Variants in IMPG1 observed in about 807,000 individuals in gnomAD.
IMPG1 encodes the protein interphotoreceptor matrix proteoglycan 1.
IMPG1 carries 85 observed loss-of-function variants against 92.0 expected under a neutral mutation model. The ratio of observed to expected loss-of-function variants is 0.92; its 90% CI spans 0.78 to 1.11. The LOEUF (loss-of-function observed/expected upper bound fraction) is 1.11, where lower values mean the gene tolerates loss of function less well. IMPG1 is among the 50% of genes least tolerant of loss of function. The pLI, the probability that IMPG1 is intolerant of heterozygous loss-of-function variation, is 0.00. For missense variants in IMPG1, 1,022 were observed against 956.0 expected (o/e 1.07, Z -0.91); for synonymous variants, 367 against 334.1 (o/e 1.10, Z -1.08).
chr6:76,028,881 C>G (rs1026946128), intron 4 of IMPG1, among the ~76,000 whole-genome samples: 5 of 152,172 alleles, frequency 3.3e-5, no homozygotes, highest in African/African-American at 1.2e-4. Flanking sequence ...ATGCTTGTTT[C>G]TCTCTGCCTG....
intron 7 of IMPG1, among the ~76,000 whole-genome samples, chr6:76,017,455 G>T (rs1471374850): frequency 6.6e-6 from 1 of 152,088 alleles, no homozygotes. Context: ...TGTAAAAATA[G>T]AAATATTATA....
At chr6:75,969,428 T>G (rs1264094817) in intron 12 of IMPG1, among the ~76,000 whole-genome samples, 1 of 152,116 alleles carries the variant, frequency 6.6e-6, no homozygotes, top group Non-Finnish European at 1.5e-5. Flanking sequence ...ATATATATAA[T>G]TTTTATTTGT....
intron 12 of IMPG1, among the ~76,000 whole-genome samples, chr6:75,998,547 GT>G (rs1782936297): frequency 6.6e-6 from 1 of 152,212 alleles, no homozygotes; most frequent in South Asian, 2.1e-4. Flanking sequence ...TCTGCTTAAA[GT>G]TTGCTTCTTC....
At chr6:76,069,520 C>G (rs1413850085) in intron 1 of IMPG1, among the ~76,000 whole-genome samples, 1 of 151,964 alleles carries the variant, frequency 6.6e-6, no homozygotes, top group Non-Finnish European at 1.5e-5. Flanking sequence ...ACACAAACAA[C>G]TCAACAGAAA....
At chr6:75,993,736 T>C (rs1454964355) in intron 12 of IMPG1, among the ~76,000 whole-genome samples, 6 of 152,214 alleles carry the variant, frequency 3.9e-5, no homozygotes, top group Non-Finnish European at 8.8e-5. Context: ...CTGAGTGATA[T>C]ATTTTTAAGA....
At chr6:76,012,970 T>C (rs1292687126) in intron 7 of IMPG1, among the ~76,000 whole-genome samples, 1 of 151,238 alleles carries the variant, frequency 6.6e-6, no homozygotes, top group Non-Finnish European at 1.5e-5. Context: ...CCGACTCTGG[T>C]TGGTTTGAAT....
At chr6:75,960,836 T>G (rs1562349156) in intron 12 of IMPG1, among the ~76,000 whole-genome samples, 1 of 152,216 alleles carries the variant, frequency 6.6e-6, no homozygotes, top group South Asian at 2.1e-4. Context: ...TGAAAAGATT[T>G]AAAATAACTG....
chr6:75,946,128 C>T (rs1421245069), intron 14 of IMPG1, among the ~76,000 whole-genome samples: 2 of 152,216 alleles, frequency 1.3e-5, no homozygotes, highest in East Asian at 3.8e-4. Context: ...GAGGCAGTGT[C>T]TTACTGGCAT....
At chr6:76,055,780 T>G (rs993294323) in intron 1 of IMPG1, among the ~76,000 whole-genome samples, 3 of 152,050 alleles carry the variant, frequency 2.0e-5, no homozygotes, top group Non-Finnish European at 2.9e-5. Context: ...AACAAGACGA[T>G]ATAATGAATA....
At chr6:76,068,520 T>C (rs930239288) in intron 1 of IMPG1, among the ~76,000 whole-genome samples, 1 of 148,986 alleles carries the variant, frequency 6.7e-6, no homozygotes, top group Non-Finnish European at 1.5e-5. Flanking sequence ...CTTTTTTTTT[T>C]TTTTTTTTTT....
intron 12 of IMPG1, among the ~76,000 whole-genome samples, chr6:75,994,362 A>G (rs1782863295): frequency 6.6e-6 from 1 of 152,164 alleles, no homozygotes; most frequent in South Asian, 2.1e-4. Flanking sequence ...CCATTTACCT[A>G]TTTATCTATT....
chr6:76,018,669 C>T (rs1582107750), intron 7 of IMPG1, 49 bp downstream of exon 7: 1 of 1,564,646 alleles, frequency 6.4e-7, no homozygotes, highest in Admixed American at 1.8e-5. Flanking sequence ...TCGGCTCCCA[C>T]CTCTCAGTCA....
rs760098979 is a variant in IMPG1, at chr6:76,041,941, A to G, written c.253T>C (p.Ser85Pro). 5.6e-6 allele frequency: 9 copies of G among 1,613,964 alleles called. No homozygotes were observed. The highest frequency in any genetic ancestry group is 5.9e-6 in the Non-Finnish European group (7 of 1,179,856). The change falls in exon 2 of 17, where the codon TCC becomes CCC. Residue 85 changes from serine (S) to proline (P), a missense_variant. Ser to Pro is a moderately conservative substitution (Grantham distance 74). Coordinates refer to ENST00000369950, the MANE Select transcript of IMPG1 (RefSeq NM_001563.4). The stretch of plus-strand genomic sequence containing the variant: ...AGACTGTCTAAAATCTGTTTCATGG[A>G]TTCCTGTGGACAGACTTTAACCCCC... ...PTGVKVCPQE[S>P]MKQILDSLQA...
intron 1 of IMPG1, among the ~76,000 whole-genome samples, chr6:76,048,933 G>C (rs758412320): frequency 1.2e-4 from 19 of 152,154 alleles, no homozygotes; most frequent in Non-Finnish European, 2.1e-4. Flanking sequence ...CAATAGCAAA[G>C]ACATGGAATC....
intron 14 of IMPG1, among the ~76,000 whole-genome samples, chr6:75,941,460 A>G (rs1272421694): frequency 6.6e-6 from 1 of 152,270 alleles, no homozygotes; most frequent in African/African-American, 2.4e-5. Flanking sequence ...TACAACAGGC[A>G]AGCTAAGAAT....
chr6:76,054,764 GC>G lies in IMPG1; in HGVS notation c.68-12639del, dbSNP rs1184931679. ...GAACACTGAGTTTGGAAAAGATGTG[GC>G]CAATTGGCTCTTGTTAGTACAAGCC... On this transcript the variant is annotated intron_variant, in intron 1 of 16. Transcript: ENST00000369950. 1.2e-4 allele frequency among the ~76,000 whole-genome samples: 19 copies of G among 152,170 alleles called. 1 individual carries two copies. The highest frequency in any genetic ancestry group is 3.9e-4 in the African/African-American group (16 of 41,532).
intron 8 of IMPG1, among the ~76,000 whole-genome samples, chr6:76,008,978 T>G (rs1392033784): frequency 7.2e-5 from 11 of 152,236 alleles, no homozygotes; most frequent in Admixed American, 6.5e-4. Context: ...AATCATGATG[T>G]ACTTTTGTTT....
intron 12 of IMPG1, among the ~76,000 whole-genome samples, chr6:75,975,368 GT>G (rs1465020405): frequency 6.6e-6 from 1 of 152,164 alleles, no homozygotes; most frequent in Non-Finnish European, 1.5e-5. Flanking sequence ...AATTAATGTA[GT>G]TTAGTTTGTC....
chr6:75,989,387 G>A (rs1782777181), intron 12 of IMPG1, among the ~76,000 whole-genome samples: 1 of 152,196 alleles, frequency 6.6e-6, no homozygotes, highest in Non-Finnish European at 1.5e-5. Flanking sequence ...CCAAGTTGAA[G>A]AAATTTACTG....
Sources: allele counts gnomAD v4.1 joint callset (sites outside exome capture counted in the v4.1 genomes callset), GRCh38; gene constraint gnomAD v4.1.1; transcripts MANE v1.5; gene names NCBI Gene and HGNC (gene_info 2026-07-23, HGNC 2026-07-21).